The following BNC2 variants were observed in gnomAD, a reference collection of about 807,000 sequenced individuals.
BNC2 encodes the protein basonuclin zinc finger protein 2.
Under a neutral mutation model 76.3 loss-of-function variants are expected in BNC2, and 20 were observed. That is an observed-to-expected ratio of 0.26 (90% CI 0.18 to 0.38). The LOEUF is 0.38. Among genes scored for constraint, BNC2 ranks in the 10% least tolerant of loss-of-function variants. The pLI, the probability that BNC2 is intolerant of heterozygous loss-of-function variation, is 1.00. For missense variants in BNC2, 1,382 were observed against 1,399.8 expected (o/e 0.99, Z 0.20); for synonymous variants, 582 against 514.8 (o/e 1.13, Z -1.77).
Position 16,436,922 on chromosome 9 carries a change from G to C in BNC2, c.1272C>G (p.Phe424Leu), listed in dbSNP as rs1418950993. Residue 424 changes from phenylalanine to leucine, a missense_variant, in exon 6 of 7, where the codon TTC becomes TTG. Phe to Leu is a conservative substitution (Grantham distance 22, BLOSUM62 0). Coordinates refer to ENST00000380672, the MANE Select transcript of BNC2 (RefSeq NM_017637.6). ...CCATCCTTCTCATCCGATGAATCCG[G>C]AATGAGCTTTTTGGGTGTTCAGTTT... Reference protein sequence around the residue: ...LTKTEHPKSSFRIHRMRRMGS... With the variant: ...LTKTEHPKSSLRIHRMRRMGS... The C allele has an allele frequency of 3.7e-6, 6 of 1,613,936 alleles. No homozygotes were observed. The Admixed American group carries it at 8.3e-5, about 22-fold the overall frequency.
At chr9:16,518,137 T>A (rs1817493839) in intron 5 of BNC2, among the ~76,000 whole-genome samples, 1 of 152,174 alleles carries the variant, frequency 6.6e-6, no homozygotes, top group Admixed American at 6.5e-5. Flanking sequence ...AAAATTAAAT[T>A]TAAAAATATG....
intron 3 of BNC2, among the ~76,000 whole-genome samples, chr9:16,632,061 G>A (rs1270165392): frequency 6.6e-6 from 1 of 152,120 alleles, no homozygotes; most frequent in Admixed American, 6.5e-5. Flanking sequence ...ATCATGTAGG[G>A]TCTTGTTTGT....
chr9:16,501,637 C>G (rs28600792), intron 5 of BNC2, among the ~76,000 whole-genome samples: 3,889 of 152,204 alleles, frequency 0.026, 161 homozygotes, highest in African/African-American at 0.088. Context: ...TATTTCTCTA[C>G]AGTTCACTTA....
chr9:16,448,951 T>C (rs1196526528), intron 5 of BNC2, among the ~76,000 whole-genome samples: 1 of 152,238 alleles, frequency 6.6e-6, no homozygotes, highest in African/African-American at 2.4e-5. Flanking sequence ...TGTTTCTGTA[T>C]ATTAATAAGC....
intron 4 of BNC2, among the ~76,000 whole-genome samples, chr9:16,557,021 C>G (rs997381098): frequency 6.6e-6 from 1 of 152,082 alleles, no homozygotes; most frequent in Admixed American, 6.6e-5. Flanking sequence ...CTTCACATAT[C>G]TGACTGTGGA....
chr9:16,441,720 G>A (rs1167875922), intron 5 of BNC2, among the ~76,000 whole-genome samples: 1 of 152,002 alleles, frequency 6.6e-6, no homozygotes, highest in Non-Finnish European at 1.5e-5. Flanking sequence ...TGGGACAAGT[G>A]GACACTGCTG....
chr9:16,723,575 G>GA (rs555557412), intron 3 of BNC2, among the ~76,000 whole-genome samples: 122 of 151,318 alleles, frequency 8.1e-4, no homozygotes, highest in African/African-American at 2.6e-3. Context: ...TATATGAATA[G>GA]AAAAAAAAGA....
chr9:16,609,471 A>G (rs528646105), intron 3 of BNC2, among the ~76,000 whole-genome samples: 105 of 152,288 alleles, frequency 6.9e-4, no homozygotes, highest in African/African-American at 2.3e-3. Context: ...CAAAAATTGG[A>G]GCTCAGCTGG....
chr9:16,575,992 A>C (rs996380959), intron 4 of BNC2, among the ~76,000 whole-genome samples: 3 of 152,212 alleles, frequency 2.0e-5, no homozygotes, highest in Non-Finnish European at 4.4e-5. Context: ...GCACCAAGGG[A>C]AGAAGACGAT....
chr9:16,771,895 G>A (rs1469849803), intron 1 of BNC2, among the ~76,000 whole-genome samples: 2 of 152,154 alleles, frequency 1.3e-5, no homozygotes, highest in African/African-American at 4.8e-5. Flanking sequence ...AGCAAGCACA[G>A]TTTTAAGTTA....
At chr9:16,463,515 C>G (rs1364513297) in intron 5 of BNC2, among the ~76,000 whole-genome samples, 2 of 142,922 alleles carry the variant, frequency 1.4e-5, no homozygotes, top group African/African-American at 3.0e-5. Context: ...CCAGGATGGT[C>G]TCAATCTCCT....
At chr9:16,527,525 A>C (rs961923200) in intron 5 of BNC2, among the ~76,000 whole-genome samples, 1 of 152,166 alleles carries the variant, frequency 6.6e-6, no homozygotes, top group Non-Finnish European at 1.5e-5. Context: ...ACTTCCTACA[A>C]GTATATGGCT....
rs528525920 is a variant in BNC2 at position 16,498,222 on chromosome 9, C to T, written c.669+54308G>A. Among the ~76,000 whole-genome samples the T allele has an allele frequency of 9.1e-4, 83 of 90,804 alleles. 3 individuals are homozygous for T. The highest frequency in any genetic ancestry group is 2.9e-3 in the African/African-American group (76 of 26,464). 59.6% of individuals were successfully genotyped at this position (90,804 alleles called of 152,430 possible). A position where few individuals can be genotyped will look rare whatever the true frequency, so the allele number is the denominator to read the frequency against. On this transcript the variant is annotated intron_variant, in intron 5 of 6. Coordinates refer to ENST00000380672, the MANE Select transcript of BNC2 (RefSeq NM_017637.6). ...ATATTCCATCATATATATATTCCAT[C>T]ATATATATATATTCCATCATATATA...
chr9:16,845,836 A>G (rs181433243), intron 1 of BNC2, among the ~76,000 whole-genome samples: 4 of 151,838 alleles, frequency 2.6e-5, no homozygotes, highest in African/African-American at 9.7e-5. Flanking sequence ...TATGACAGAA[A>G]CAATGCAGAA....
rs535411857 is a variant in BNC2, at chr9:16,450,148, G to A, written c.670-12624C>T. 5.9e-5 allele frequency among the ~76,000 whole-genome samples: 9 copies of A among 152,262 alleles called. No individual in the cohort carries two copies. The East Asian group carries it at 1.7e-3, about 29-fold the overall frequency. On this transcript the variant is annotated intron_variant, in intron 5 of 6. Transcript: ENST00000380672. ...ATTATTAAACAGGTTCAGAAACAAT[G>A]TTTCCAAAGTTGCATTTGAAATTGT...
chr9:16,592,265 A>T (rs1352113678), intron 3 of BNC2, among the ~76,000 whole-genome samples: 1 of 152,198 alleles, frequency 6.6e-6, no homozygotes, highest in African/African-American at 2.4e-5. Flanking sequence ...GAGATTTAAA[A>T]CTTCATTTTA....
At chr9:16,591,164 C>A (rs1819920082) in intron 3 of BNC2, among the ~76,000 whole-genome samples, 1 of 152,190 alleles carries the variant, frequency 6.6e-6, no homozygotes, top group Non-Finnish European at 1.5e-5. Context: ...AGCTTCCTAA[C>A]TGGCCACATC....
chr9:16,661,771 G>A (rs989890593), intron 3 of BNC2, among the ~76,000 whole-genome samples: 1 of 152,114 alleles, frequency 6.6e-6, no homozygotes, highest in South Asian at 2.1e-4. Context: ...TGTTTTTAAT[G>A]TCCATGTAAA....
At chr9:16,749,321 A>G (rs1825111571) in intron 1 of BNC2, among the ~76,000 whole-genome samples, 1 of 152,242 alleles carries the variant, frequency 6.6e-6, no homozygotes, top group Non-Finnish European at 1.5e-5. Context: ...ATCCAGGAAC[A>G]TACGTTATTT....
Sources: allele counts gnomAD v4.1 joint callset (sites outside exome capture counted in the v4.1 genomes callset), GRCh38; gene constraint gnomAD v4.1.1; transcripts MANE v1.5; gene names NCBI Gene and HGNC (gene_info 2026-07-23, HGNC 2026-07-21).